Variants in TAFA5 observed in about 807,000 individuals in gnomAD.
TAFA5 encodes chemokine-like protein TAFA-5.
In TAFA5, 6 loss-of-function variants were observed where a neutral mutation model predicts 15.3. The observed-to-expected ratio is 0.39, with a 90% confidence interval of 0.21 to 0.77. The LOEUF is 0.77. Among genes scored for constraint, TAFA5 ranks in the 30% least tolerant of loss-of-function variants. The probability of loss-of-function intolerance (pLI) is 0.41; values close to 1 mark genes in which losing one functional copy is unlikely to be tolerated. For synonymous variants in TAFA5, 103 were observed against 80.7 expected, an observed-to-expected ratio of 1.28 and a Z score of -1.48; for missense variants, 161 against 193.1, an observed-to-expected ratio of 0.83 and a Z score of 0.98.
intron 1 of TAFA5, among the ~76,000 whole-genome samples, chr22:48,561,191 A>G (rs1344994702): frequency 1.3e-5 from 2 of 152,096 alleles, no homozygotes; most frequent in Non-Finnish European, 2.9e-5. Flanking sequence ...CACATCTCGG[A>G]TCCACTCTGC....
chr22:48,637,330 ACACATGTGCC>A (rs1411651555), intron 1 of TAFA5, among the ~76,000 whole-genome samples: 1 of 147,276 alleles, frequency 6.8e-6, no homozygotes, highest in East Asian at 2.1e-4. Flanking sequence ...ACACATGTGC[ACACATGTGCC>A]CATGGCAGGA....
intron 3 of TAFA5, among the ~76,000 whole-genome samples, chr22:48,743,190 G>A (rs1930231110): frequency 2.0e-5 from 3 of 152,146 alleles, no homozygotes; most frequent in Admixed American, 1.3e-4. Context: ...GCAGCAGAGG[G>A]TCCTCCCTGC....
intron 3 of TAFA5, among the ~76,000 whole-genome samples, chr22:48,748,150 T>G (rs1408130801): frequency 6.6e-6 from 1 of 152,204 alleles, no homozygotes; most frequent in Non-Finnish European, 1.5e-5. Flanking sequence ...GGGCCAAGCA[T>G]CAGGTGCCCG....
At chr22:48,617,664 A>G (rs28495239) in intron 1 of TAFA5, among the ~76,000 whole-genome samples, 19,952 of 152,238 alleles carry the variant, frequency 0.13, 1,543 homozygotes, top group Non-Finnish European at 0.16. Context: ...CTCCGCGTCT[A>G]TCTCCTGGGA....
chr22:48,636,846 G>A (rs1473614502), intron 1 of TAFA5, among the ~76,000 whole-genome samples: 1 of 152,214 alleles, frequency 6.6e-6, no homozygotes, highest in African/African-American at 2.4e-5. Flanking sequence ...TGACAGGATG[G>A]GGCAGCTGTG....
At chr22:48,707,975 C>T in intron 3 of TAFA5, 131 bp downstream of exon 3, 1 of 1,216,258 alleles carries the variant, frequency 8.2e-7, no homozygotes, top group Non-Finnish European at 1.1e-6. Context: ...GAGGCCAGGG[C>T]CCTGTCTCCT....
At chr22:48,563,262 G>A (rs1238470761) in intron 1 of TAFA5, among the ~76,000 whole-genome samples, 2 of 152,242 alleles carry the variant, frequency 1.3e-5, no homozygotes, top group African/African-American at 2.4e-5. Flanking sequence ...ATTCTCCAGC[G>A]GGGACCACCG....
intron 2 of TAFA5, among the ~76,000 whole-genome samples, chr22:48,704,198 G>A (rs78288064): frequency 0.028 from 2,289 of 82,418 alleles, 35 homozygotes; most frequent in East Asian, 0.1. Context: ...CAACACACAC[G>A]CGCACACACA....
chr22:48,681,459 A>G (rs1928181576), intron 2 of TAFA5, among the ~76,000 whole-genome samples: 1 of 149,912 alleles, frequency 6.7e-6, no homozygotes, highest in East Asian at 2.0e-4. Context: ...CCTGGGGAAC[A>G]CGGTGAAACC....
chr22:48,644,321 C>T (rs762849727), intron 1 of TAFA5, among the ~76,000 whole-genome samples: 6 of 152,174 alleles, frequency 3.9e-5, no homozygotes, highest in African/African-American at 1.4e-4. Context: ...GCCCCAGCAT[C>T]CTTCCTGTGA....
In TAFA5 at chr22:48,557,252, G is replaced by C. The variant is rs555117124; in HGVS notation, c.112+67548G>C. Among the ~76,000 whole-genome samples, 4 of 152,172 alleles carry C rather than the reference G, an allele frequency of 2.6e-5. No individual in the cohort carries two copies. The South Asian group carries it at 8.3e-4, about 32-fold the overall frequency. On this transcript the variant is annotated intron_variant, in intron 1 of 3. Coordinates refer to ENST00000402357, the MANE Select transcript of TAFA5 (RefSeq NM_001082967.3). Reference sequence around the variant, plus strand: ...AGGTTAAATGGGGTCGTAAGGGTGGGGCCCTGATCCAGTATAACTGGTGTC... The same window carrying C: ...AGGTTAAATGGGGTCGTAAGGGTGGCGCCCTGATCCAGTATAACTGGTGTC...
intron 1 of TAFA5, among the ~76,000 whole-genome samples, chr22:48,536,335 A>G (rs1224309826): frequency 6.6e-6 from 1 of 152,220 alleles, no homozygotes; most frequent in African/African-American, 2.4e-5. Context: ...GCAAGCCGGG[A>G]AACAAGTGGA....
intron 2 of TAFA5, among the ~76,000 whole-genome samples, chr22:48,651,987 G>A (rs977353078): frequency 2.6e-5 from 4 of 152,210 alleles, no homozygotes; most frequent in Non-Finnish European, 4.4e-5. Flanking sequence ...TTCTTCTCTT[G>A]CCTTTCCCCG....
At chr22:48,622,754 T>C (rs1426134311) in intron 1 of TAFA5, among the ~76,000 whole-genome samples, 1 of 152,228 alleles carries the variant, frequency 6.6e-6, no homozygotes, top group Non-Finnish European at 1.5e-5. Flanking sequence ...CGCTGCAGGC[T>C]CAGCTTGTGT....
intron 2 of TAFA5, among the ~76,000 whole-genome samples, chr22:48,660,666 C>T (rs367651695): frequency 1.3e-5 from 2 of 152,222 alleles, no homozygotes; most frequent in East Asian, 3.9e-4. Flanking sequence ...ATGACTGGAG[C>T]TGCGGAGGGT....
At chr22:48,701,272 C>T (rs575725523) in intron 2 of TAFA5, among the ~76,000 whole-genome samples, 6 of 152,216 alleles carry the variant, frequency 3.9e-5, no homozygotes, top group South Asian at 4.1e-4. Context: ...ACCCTGCATG[C>T]GTGTCCTCCA....
chr22:48,723,789 A>C (rs184518718), intron 3 of TAFA5, among the ~76,000 whole-genome samples: 2 of 152,320 alleles, frequency 1.3e-5, no homozygotes, highest in East Asian at 3.9e-4. Flanking sequence ...GGTGGACGAG[A>C]AAGGTTTCTG....
At chr22:48,606,148 TCTC>T (rs1925186474) in intron 1 of TAFA5, among the ~76,000 whole-genome samples, 1 of 152,078 alleles carries the variant, frequency 6.6e-6, no homozygotes, top group Non-Finnish European at 1.5e-5. Flanking sequence ...AGGGCTCCGC[TCTC>T]CTCCACCTCC....
intron 1 of TAFA5, among the ~76,000 whole-genome samples, chr22:48,597,003 C>T (rs898068111): frequency 3.9e-5 from 6 of 152,226 alleles, no homozygotes; most frequent in East Asian, 1.9e-4. Context: ...ATGAAGGTCT[C>T]GCTGCGATGC....
Sources: gnomAD v4.1 joint callset for allele counts (sites outside exome capture counted in the v4.1 genomes callset) on GRCh38, gnomAD v4.1.1 for gene constraint, MANE v1.5 for transcripts, NCBI Gene and HGNC (gene_info 2026-07-23, HGNC 2026-07-21) for gene names.